TMEM132B: variants seen among roughly 807,000 people sequenced by gnomAD.
TMEM132B encodes transmembrane protein 132B.
In TMEM132B, 18 loss-of-function variants were observed where a neutral mutation model predicts 90.8. The observed-to-expected ratio is 0.20, with a 90% CI of 0.14 to 0.29. The LOEUF (loss-of-function observed/expected upper bound fraction) is 0.29, where lower values mean the gene tolerates loss of function less well. Among genes scored for constraint, TMEM132B ranks in the 10% least tolerant of loss-of-function variants. The pLI, the probability that TMEM132B is intolerant of heterozygous loss-of-function variation, is 1.00. For synonymous variants in TMEM132B, 504 were observed against 523.3 expected, an observed-to-expected ratio of 0.96 and a Z score of 0.50; for missense variants, 1,096 against 1,326.8, an observed-to-expected ratio of 0.83 and a Z score of 2.70.
At chr12:125,390,621 G>A (rs1171642968) in intron 2 of TMEM132B, among the ~76,000 whole-genome samples, 1 of 152,062 alleles carries the variant, frequency 6.6e-6, no homozygotes, top group South Asian at 2.1e-4. Flanking sequence ...CATCTTTCTC[G>A]TTGTTCTGTC....
chr12:125,629,494 C>T (rs1175938084), intron 5 of TMEM132B, among the ~76,000 whole-genome samples: 1 of 152,052 alleles, frequency 6.6e-6, no homozygotes, highest in African/African-American at 2.4e-5. Flanking sequence ...ATTTTGTATC[C>T]TGCAATGTTA....
intron 1 of TMEM132B, among the ~76,000 whole-genome samples, chr12:125,270,112 T>TTGTGTG (rs59168219): frequency 0.029 from 4,207 of 143,208 alleles, 86 homozygotes; most frequent in South Asian, 0.063. Flanking sequence ...CACATCTTTG[T>TTGTGTG]TGTGTGTGTG....
chr12:125,272,328 G>C (rs1341377113), intron 1 of TMEM132B, among the ~76,000 whole-genome samples: 2 of 152,192 alleles, frequency 1.3e-5, no homozygotes, highest in Non-Finnish European at 2.9e-5. Context: ...CTTTTGGGGG[G>C]TTATTTAGGG....
intron 4 of TMEM132B, among the ~76,000 whole-genome samples, chr12:125,528,335 C>A (rs928443827): frequency 2.0e-5 from 3 of 152,128 alleles, no homozygotes; most frequent in Non-Finnish European, 4.4e-5. Context: ...CAGATAAAAA[C>A]CACATTATCT....
At chr12:125,455,042 G>A (rs1408752942) in intron 3 of TMEM132B, among the ~76,000 whole-genome samples, 2 of 152,178 alleles carry the variant, frequency 1.3e-5, no homozygotes, top group African/African-American at 4.8e-5. Context: ...TACGCAGTTT[G>A]AGTTTACTAG....
intron 2 of TMEM132B, among the ~76,000 whole-genome samples, chr12:125,369,875 C>A (rs1255233067): frequency 6.6e-6 from 1 of 152,148 alleles, no homozygotes; most frequent in Middle Eastern, 3.4e-3. Flanking sequence ...ATGGTGAAAC[C>A]CTGTCTCTAC....
intron 1 of TMEM132B, among the ~76,000 whole-genome samples, chr12:125,337,892 A>G (rs1329665384): frequency 6.6e-6 from 1 of 152,082 alleles, no homozygotes; most frequent in Non-Finnish European, 1.5e-5. Context: ...TCCTTCCCCA[A>G]AGTCCGCCAC....
Position 125,376,934 on chromosome 12 carries a change from C to T in TMEM132B, c.959+26591C>T, listed in dbSNP as rs115542902. On this transcript the variant is annotated intron_variant, in intron 2 of 8. Coordinates refer to ENST00000682704, the MANE Select transcript of TMEM132B (RefSeq NM_001366854.1). The stretch of plus-strand genomic sequence containing the variant: ...ACTGTGACTGGCCTTCCAGGTCATC[C>T]AGAACCCTCCCACGGTTTCTCCAAG... 8.1e-3 allele frequency among the ~76,000 whole-genome samples: 1,228 copies of T among 152,330 alleles called. 24 individuals are homozygous for T. The highest frequency in any genetic ancestry group is 0.028 in the African/African-American group (1,171 of 41,568).
chr12:125,578,801 AACAGGTCTT>A (rs1278352102), intron 4 of TMEM132B, among the ~76,000 whole-genome samples: 1 of 152,198 alleles, frequency 6.6e-6, no homozygotes, highest in East Asian at 1.9e-4. Context: ...CTGATAATAC[AACAGGTCTT>A]AGTCTTATTG....
intron 5 of TMEM132B, among the ~76,000 whole-genome samples, chr12:125,612,135 C>A (rs1389739903): frequency 6.6e-6 from 1 of 151,892 alleles, no homozygotes; most frequent in Non-Finnish European, 1.5e-5. Context: ...AATATATTGA[C>A]CACTTTATCA....
chr12:125,630,319 G>A (rs1317968628), intron 5 of TMEM132B, among the ~76,000 whole-genome samples: 4 of 151,940 alleles, frequency 2.6e-5, no homozygotes, highest in African/African-American at 9.7e-5. Flanking sequence ...CTCATTACTT[G>A]TTATTGGTCT....
At chr12:125,267,155 A>T (rs1486596502) in intron 1 of TMEM132B, among the ~76,000 whole-genome samples, 3 of 152,082 alleles carry the variant, frequency 2.0e-5, no homozygotes, top group Non-Finnish European at 4.4e-5. Flanking sequence ...TCGTTTAACC[A>T]TCCCCATGTA....
intron 5 of TMEM132B, among the ~76,000 whole-genome samples, chr12:125,610,571 A>ACATT (rs910016571): frequency 6.6e-6 from 1 of 151,956 alleles, no homozygotes. Flanking sequence ...AACTAACCCT[A>ACATT]CATTCCTGGG....
intron 1 of TMEM132B, among the ~76,000 whole-genome samples, chr12:125,193,348 C>T (rs899323789): frequency 6.6e-6 from 1 of 152,160 alleles, no homozygotes; most frequent in Non-Finnish European, 1.5e-5. Flanking sequence ...CCTGATGGTG[C>T]CTTCTTGTCC....
intron 3 of TMEM132B, among the ~76,000 whole-genome samples, chr12:125,479,664 G>A (rs1336009104): frequency 6.6e-6 from 1 of 152,132 alleles, no homozygotes; most frequent in East Asian, 1.9e-4. Flanking sequence ...ATAATAATGG[G>A]AGACTTTAAC....
chr12:125,526,466 T>C lies in TMEM132B; in HGVS notation c.1293+6841T>C, dbSNP rs534593603. Among the ~76,000 whole-genome samples, 85 of 152,208 alleles carry C rather than the reference T, an allele frequency of 5.6e-4. 1 individual carries two copies. The highest frequency in any genetic ancestry group is 1.8e-3 in the African/African-American group (76 of 41,514). ...TACACAGATGCTGGGGGAATGAGGG[T>C]CTGGCCTTGTAATCTTACCTGTGAC... On this transcript the variant is annotated intron_variant, in intron 4 of 8. Coordinates refer to ENST00000682704, the MANE Select transcript of TMEM132B (RefSeq NM_001366854.1).
At chr12:125,557,383 A>G (rs1884416243) in intron 4 of TMEM132B, among the ~76,000 whole-genome samples, 1 of 152,168 alleles carries the variant, frequency 6.6e-6, no homozygotes, top group East Asian at 1.9e-4. Context: ...CCCTGAGATC[A>G]GGGCTTCCTG....
chr12:125,390,215 G>T (rs1199937228), intron 2 of TMEM132B, among the ~76,000 whole-genome samples: 3 of 152,152 alleles, frequency 2.0e-5, no homozygotes, highest in African/African-American at 7.2e-5. Context: ...TATTTATAAA[G>T]GCCCCAAACT....
intron 1 of TMEM132B, among the ~76,000 whole-genome samples, chr12:125,204,423 C>T (rs928024209): frequency 7.8e-6 from 1 of 128,932 alleles, no homozygotes; most frequent in Admixed American, 8.0e-5. Flanking sequence ...TCTCATGAAT[C>T]CTTTCAATGA....
Sources: allele counts gnomAD v4.1 joint callset (sites outside exome capture counted in the v4.1 genomes callset), GRCh38; gene constraint gnomAD v4.1.1; transcripts MANE v1.5; gene names NCBI Gene and HGNC (gene_info 2026-07-23, HGNC 2026-07-21).